The following PLA2G6 variants were observed in gnomAD, a reference collection of about 807,000 sequenced individuals.
PLA2G6 encodes 85/88 kDa calcium-independent phospholipase A2.
PLA2G6 carries 62 observed loss-of-function variants against 83.8 expected under a neutral mutation model. That is an observed-to-expected ratio of 0.74 (90% CI 0.60 to 0.91). The LOEUF (loss-of-function observed/expected upper bound fraction) is 0.91. PLA2G6 is among the 40% of genes least tolerant of loss of function. PLA2G6 has a pLI of 0.00. For missense variants in PLA2G6, 944 were observed against 1,102.0 expected (o/e 0.86, Z 2.03); for synonymous variants, 417 against 449.8 (o/e 0.93, Z 0.92).
At chr22:38,127,955 C>T (rs1354483344) in intron 9 of PLA2G6, among the ~76,000 whole-genome samples, 1 of 152,228 alleles carries the variant, frequency 6.6e-6, no homozygotes, top group African/African-American at 2.4e-5. Context: ...CACTGCCCAC[C>T]CTGAACGCCC....
rs1293664260 is a variant in PLA2G6, at chr22:38,112,016, C to A, written c.*145G>T. On this transcript the variant is annotated 3_prime_UTR_variant, in exon 17 of 17. Transcript: ENST00000332509. ...ACAGGCCTTCAGGACCAGCCTCGGG[C>A]AGGCAGCTTGGCATTCTCCCAGGCC... 3.3e-6 allele frequency: 3 copies of A among 916,608 alleles called. No individual in the cohort carries two copies. In the African/African-American group the frequency reaches 4.9e-5, roughly 15 times the overall value. The allele number at this position is 916,608 out of a possible 1,614,324, so 56.8% of individuals were successfully genotyped here.
intron 5 of PLA2G6, chr22:38,139,062 A>C (rs2088723161): frequency 6.6e-6 from 1 of 152,138 alleles, no homozygotes; most frequent in Non-Finnish European, 1.5e-5. Flanking sequence ...AGGGGTTCCC[A>C]GGCTCCCAAA....
At chr22:38,115,249 C>G (rs1468843980) in intron 14 of PLA2G6, among the ~76,000 whole-genome samples, 1 of 152,226 alleles carries the variant, frequency 6.6e-6, no homozygotes, top group Non-Finnish European at 1.5e-5. Context: ...TGTCCCCAGG[C>G]TGGCTCGAGT....
intron 2 of PLA2G6, among the ~76,000 whole-genome samples, chr22:38,164,370 T>C (rs565151341): frequency 3.3e-5 from 5 of 152,186 alleles, no homozygotes; most frequent in Admixed American, 6.5e-5. Flanking sequence ...CTGTGTGATC[T>C]CAAATTCTGC....
intron 2 of PLA2G6, chr22:38,149,335 T>C (rs2145848278): frequency 6.6e-6 from 1 of 152,368 alleles, no homozygotes; most frequent in South Asian, 2.1e-4. Context: ...AAATAGACTT[T>C]AAAGTAACTG....
chr22:38,127,426 A>T (rs749659337), intron 9 of PLA2G6: 13 of 1,330,310 alleles, frequency 9.8e-6, no homozygotes, highest in Non-Finnish European at 1.3e-5. Context: ...GCCGCACCCC[A>T]GGCCCACCAT....
intron 1 of PLA2G6, among the ~76,000 whole-genome samples, chr22:38,176,423 C>A (rs1259037246): frequency 6.6e-6 from 1 of 152,196 alleles, no homozygotes; most frequent in Non-Finnish European, 1.5e-5. Flanking sequence ...AGGTGGAAAT[C>A]AGGCCTCACG....
rs747716394 is a variant in PLA2G6 at position 38,135,069 on chromosome 22, G to T, written c.813C>A (p.Ile271=). Residue 271 remains isoleucine (I), a synonymous_variant, in exon 6 of 17, where the codon ATC becomes ATA. Transcript: ENST00000332509. ...GGATCTGGCTGCTGTCCATGCTGAT[G>T]ATCATCTCCGCACACCTGGTGAGAG... ...KFSQKGCAEM[I]ISMDSSQIHS... 2 of 1,605,202 alleles carry T rather than the reference G, an allele frequency of 1.2e-6. No individual in the cohort carries two copies. Among genetic ancestry groups the T allele is most frequent in the South Asian group, 1.1e-5 (1 of 90,968 alleles).
chr22:38,116,352 C>T, intron 12 of PLA2G6, 141 bp from the exon 13 acceptor site: 1 of 904,670 alleles, frequency 1.1e-6, no homozygotes, highest in Non-Finnish European at 1.8e-6. Context: ...TCTCCCCGCA[C>T]CATCCCCGCA....
intron 2 of PLA2G6, among the ~76,000 whole-genome samples, chr22:38,156,848 C>T (rs132960): frequency 0.18 from 27,895 of 151,942 alleles, 2,883 homozygotes; most frequent in East Asian, 0.45. Flanking sequence ...GCACACCATA[C>T]GAACACATGG....
chr22:38,125,049 T>C (rs1406898460), intron 10 of PLA2G6, among the ~76,000 whole-genome samples: 1 of 152,154 alleles, frequency 6.6e-6, no homozygotes, highest in African/African-American at 2.4e-5. Flanking sequence ...TTTTCCTCCC[T>C]TGGGAAATGT....
chr22:38,174,881 T>G (rs2090574986), intron 1 of PLA2G6, among the ~76,000 whole-genome samples: 1 of 152,032 alleles, frequency 6.6e-6, no homozygotes, highest in Non-Finnish European at 1.5e-5. Flanking sequence ...CCCCTCGCCA[T>G]GCCCAGGGAA....
chr22:38,180,920 G>T (rs2090821367), intron 1 of PLA2G6, among the ~76,000 whole-genome samples: 1 of 152,174 alleles, frequency 6.6e-6, no homozygotes, highest in Non-Finnish European at 1.5e-5. Flanking sequence ...CCTCAACGTT[G>T]CCAAACCGAA....
intron 5 of PLA2G6, chr22:38,135,301 C>T (rs1174977182): frequency 3.5e-6 from 2 of 568,196 alleles, no homozygotes; most frequent in African/African-American, 1.9e-5. Flanking sequence ...GATGCTGCCA[C>T]CAGCAATGAT....
chr22:38,135,155 T>C (rs1040427327), intron 5 of PLA2G6, 71 bp from the exon 6 acceptor site: 2 of 1,015,994 alleles, frequency 2.0e-6, no homozygotes, highest in African/African-American at 3.1e-5. Flanking sequence ...AGCCAGGACT[T>C]GGAGCTTCAT....
chr22:38,112,442 A>C, intron 16 of PLA2G6, 62 bp downstream of exon 16: 1 of 1,497,240 alleles, frequency 6.7e-7, no homozygotes, highest in Non-Finnish European at 9.1e-7. Flanking sequence ...TGGGAGGGGA[A>C]GGTCGGTGAG....
intron 9 of PLA2G6, chr22:38,127,349 A>G: frequency 7.7e-7 from 1 of 1,303,624 alleles, no homozygotes; most frequent in Admixed American, 2.3e-5. Flanking sequence ...AGGGAGTGAG[A>G]GCTAGAGCTA....
intron 4 of PLA2G6, 45 bp downstream of exon 4, chr22:38,143,060 C>T (rs1251388544): frequency 2.5e-6 from 4 of 1,576,352 alleles, no homozygotes; most frequent in Non-Finnish European, 3.5e-6. Flanking sequence ...ACCGTGGACA[C>T]CGGGAGGTAT....
chr22:38,112,482 G>C, intron 16 of PLA2G6, 22 bp downstream of exon 16: 1 of 1,546,864 alleles, frequency 6.5e-7, no homozygotes, highest in Non-Finnish European at 8.7e-7. Context: ...GGGGCCAAGG[G>C]CTGGGGCGGC....
Sources: allele counts gnomAD v4.1 joint callset (sites outside exome capture counted in the v4.1 genomes callset), GRCh38; gene constraint gnomAD v4.1.1; transcripts MANE v1.5; gene names NCBI Gene and HGNC (gene_info 2026-07-23, HGNC 2026-07-21).